Variants in GTF2IRD1 observed in about 807,000 individuals in gnomAD.
GTF2IRD1 encodes the protein GTF2I repeat domain containing 1, also known as general transcription factor II-I repeat domain-containing protein 1.
In GTF2IRD1, 26 loss-of-function variants were observed where a neutral mutation model predicts 113.2. The observed-to-expected ratio is 0.23, with a 90% CI of 0.17 to 0.32. The LOEUF (loss-of-function observed/expected upper bound fraction) is 0.32. GTF2IRD1 is among the 10% of genes least tolerant of loss of function. The pLI is 1.00. For synonymous variants in GTF2IRD1, 484 were observed against 529.1 expected, an observed-to-expected ratio of 0.91 and a Z score of 1.17; for missense variants, 864 against 1,280.8, an observed-to-expected ratio of 0.67 and a Z score of 4.97.
intron 1 of GTF2IRD1, among the ~76,000 whole-genome samples, chr7:74,480,669 C>T (rs191814400): frequency 0.01 from 1,527 of 152,280 alleles, 22 homozygotes; most frequent in Non-Finnish European, 0.012. Flanking sequence ...ACCGCGGAGC[C>T]GTCTGCCCGG....
In GTF2IRD1 at chr7:74,555,836, C is replaced by T. The variant is rs1403171172; in HGVS notation, c.2023+342C>T. The stretch of plus-strand genomic sequence containing the variant: ...TTGAAATCAGAATAGGAGCCAGACG[C>T]GGCACCTCACGCCTGTAATCTCAGC... On this transcript the variant is annotated intron_variant, in intron 19 of 26. Transcript: ENST00000424337. This position sits in a 1 kb window ranked among gnomAD's most constrained non-coding sequence, Gnocchi z 5.3. 2.6e-5 allele frequency among the ~76,000 whole-genome samples: 4 copies of T among 152,156 alleles called. No homozygotes were observed. Among genetic ancestry groups the T allele is most frequent in the Non-Finnish European group, 4.4e-5 (3 of 68,036 alleles).
chr7:74,469,596 C>T (rs782288628), intron 1 of GTF2IRD1, among the ~76,000 whole-genome samples: 13 of 152,258 alleles, frequency 8.5e-5, no homozygotes, highest in Middle Eastern at 6.8e-3. Context: ...CACATTGTAG[C>T]GTGAGTCAAT....
intron 4 of GTF2IRD1, 113 bp downstream of exon 4, chr7:74,515,709 C>A: frequency 2.3e-6 from 2 of 866,326 alleles, no homozygotes; most frequent in Non-Finnish European, 3.5e-6. Context: ...CAAAGCCGGA[C>A]CCCAAGGCAT....
chr7:74,460,179 G>C (rs1331048308), intron 1 of GTF2IRD1, among the ~76,000 whole-genome samples: 1 of 152,040 alleles, frequency 6.6e-6, no homozygotes, highest in Non-Finnish European at 1.5e-5. Context: ...GTTTCGCCAT[G>C]TTGCCCAGTT....
chr7:74,564,545 G>A (rs1487704327), intron 22 of GTF2IRD1, among the ~76,000 whole-genome samples: 2 of 152,218 alleles, frequency 1.3e-5, no homozygotes, highest in East Asian at 1.9e-4. Flanking sequence ...GAGCCCAGGA[G>A]TTTGAGACCA....
chr7:74,515,186 C>T (rs1420696999), intron 3 of GTF2IRD1, among the ~76,000 whole-genome samples: 1 of 152,068 alleles, frequency 6.6e-6, no homozygotes, highest in African/African-American at 2.4e-5. Flanking sequence ...GGGACTAACC[C>T]AAGGTCACAC....
At chr7:74,505,374 T>C (rs993497115) in intron 1 of GTF2IRD1, among the ~76,000 whole-genome samples, 30 of 151,822 alleles carry the variant, frequency 2.0e-4, no homozygotes, top group Non-Finnish European at 3.5e-4. Context: ...TTGCAGGGAG[T>C]GGCTGTCTCT....
In GTF2IRD1 at chr7:74,602,550, T is replaced by C; in HGVS notation, c.*117T>C. On this transcript the variant is annotated 3_prime_UTR_variant, in exon 27 of 27. Coordinates refer to ENST00000424337, the MANE Select transcript of GTF2IRD1 (RefSeq NM_005685.4). ...TTAGTTTTTCCAATGATTTTTACAC[T>C]ATATTCCTGCCACCAAGGCCTTTTT... is the stretch of plus-strand genomic sequence containing the variant. 1.5e-6 allele frequency: 1 copy of C among 664,080 alleles called. No homozygotes were observed. The highest frequency in any genetic ancestry group is 2.4e-6 in the Non-Finnish European group (1 of 414,590). The allele number at this position is 664,080 out of a possible 1,614,324, so 41.1% of individuals were successfully genotyped here. A position where few individuals can be genotyped will look rare whatever the true frequency, so the allele number is the denominator to read the frequency against.
intron 1 of GTF2IRD1, 77 bp from the exon 2 acceptor site, chr7:74,507,998 G>C: frequency 6.7e-7 from 1 of 1,497,256 alleles, no homozygotes; most frequent in South Asian, 1.3e-5. Context: ...GGGTCAGGTG[G>C]ATTGGGGTGG....
At chr7:74,491,074 A>G (rs942406345) in intron 1 of GTF2IRD1, among the ~76,000 whole-genome samples, 5 of 152,154 alleles carry the variant, frequency 3.3e-5, no homozygotes, top group Non-Finnish European at 7.4e-5. Context: ...TTGGAAGGCT[A>G]AAGTGGGCAG....
chr7:74,547,034 C>A, intron 16 of GTF2IRD1, 69 bp from the exon 17 acceptor site: 2 of 1,417,708 alleles, frequency 1.4e-6, no homozygotes, highest in Non-Finnish European at 1.9e-6. Flanking sequence ...GACACAGGCA[C>A]GGGACACAGG....
At chr7:74,585,756 C>T (rs182413996) in intron 22 of GTF2IRD1, among the ~76,000 whole-genome samples, 2 of 151,924 alleles carry the variant, frequency 1.3e-5, no homozygotes, top group East Asian at 1.9e-4. Context: ...ATGGTGGGTG[C>T]CTGTAATCCC....
chr7:74,523,582 T>G (rs1471621135), intron 7 of GTF2IRD1, among the ~76,000 whole-genome samples: 2 of 151,846 alleles, frequency 1.3e-5, no homozygotes, highest in African/African-American at 2.4e-5. Context: ...AAGCCAGGTG[T>G]GGTGGCAGGT....
chr7:74,544,927 T>C, intron 15 of GTF2IRD1, 125 bp downstream of exon 15: 1 of 700,244 alleles, frequency 1.4e-6, no homozygotes, highest in Non-Finnish European at 2.5e-6. Flanking sequence ...TCCAGCACCC[T>C]GGTGTGGGGG....
chr7:74,584,727 A>G (rs587762209), intron 22 of GTF2IRD1, among the ~76,000 whole-genome samples: 1 of 152,194 alleles, frequency 6.6e-6, no homozygotes, highest in Non-Finnish European at 1.5e-5. Context: ...TGCGTGACTC[A>G]GTTCCCAAGC....
chr7:74,488,865 G>A (rs1795168047), intron 1 of GTF2IRD1, among the ~76,000 whole-genome samples: 1 of 151,948 alleles, frequency 6.6e-6, no homozygotes, highest in Admixed American at 6.6e-5. Context: ...ACTTTTGCCT[G>A]GGCGCGGTGG....
chr7:74,542,925 C>T (rs1798711701), intron 14 of GTF2IRD1, among the ~76,000 whole-genome samples: 1 of 152,242 alleles, frequency 6.6e-6, no homozygotes. Flanking sequence ...GGCTCATCCA[C>T]CTCCCCAAGG....
intron 5 of GTF2IRD1, among the ~76,000 whole-genome samples, chr7:74,518,620 C>A (rs951902528): frequency 6.6e-6 from 1 of 152,150 alleles, no homozygotes; most frequent in African/African-American, 2.4e-5. Context: ...TAGCTCATGC[C>A]TGTAATCTCA....
intron 22 of GTF2IRD1, among the ~76,000 whole-genome samples, chr7:74,575,858 T>C (rs587679998): frequency 6.6e-6 from 1 of 152,062 alleles, no homozygotes; most frequent in South Asian, 2.1e-4. Context: ...ATTTGGGGAA[T>C]CATGAATTTA....
Sources: allele counts gnomAD v4.1 joint callset (sites outside exome capture counted in the v4.1 genomes callset), GRCh38; gene constraint gnomAD v4.1.1; non-coding constraint Gnocchi (gnomAD v3.1); transcripts MANE v1.5; gene names NCBI Gene and HGNC (gene_info 2026-07-23, HGNC 2026-07-21).